SRI: variants seen among roughly 807,000 people sequenced by gnomAD.
SRI encodes the protein sorcin.
Under a neutral mutation model 33.3 loss-of-function variants are expected in SRI, and 30 were observed. The observed-to-expected ratio is 0.90, with a 90% CI of 0.67 to 1.22. The LOEUF is 1.22. SRI is among the 50% of genes most tolerant of loss of function. The probability of loss-of-function intolerance (pLI) is 0.00; values close to 1 mark genes in which losing one functional copy is unlikely to be tolerated. For synonymous variants in SRI, 75 were observed against 89.9 expected (o/e 0.83, Z 0.94); for missense variants, 243 against 250.8 (o/e 0.97, Z 0.21).
intron 7 of SRI, chr7:88,208,044 GA>G (rs1377698754): frequency 6.6e-6 from 1 of 152,602 alleles, no homozygotes; most frequent in African/African-American, 2.4e-5. Flanking sequence ...CCTCAATGAA[GA>G]ACATAGGTAT....
At chr7:88,221,621 C>T (rs539051741), upstream of SRI, among the ~76,000 whole-genome samples, 1 of 152,186 alleles carries the variant, frequency 6.6e-6, no homozygotes, top group South Asian at 2.1e-4. Flanking sequence ...CGTGGATAAA[C>T]GGCTATACGA....
rs376925538 is a variant in SRI, at chr7:88,212,193, C to G, written c.206-1268G>C. Among the ~76,000 whole-genome samples the G allele has an allele frequency of 2.7e-4, 41 of 152,304 alleles. No individual in the cohort carries two copies. In the East Asian group the frequency reaches 4.4e-3, roughly 16 times the overall value. ...CTGTAATGTCTCCCAACAGTGCAAA[C>G]TATAGGTTTTACACATTTAATAGAT... On this transcript the variant is annotated intron_variant, in intron 3 of 7. Transcript: ENST00000265729.
At chr7:88,211,856 T>C (rs1851586388) in intron 3 of SRI, among the ~76,000 whole-genome samples, 1 of 152,224 alleles carries the variant, frequency 6.6e-6, no homozygotes, top group Admixed American at 6.5e-5. Flanking sequence ...TTAGGAGTAT[T>C]ATGAGGGCAT....
chr7:88,217,449 G>T (rs569534199), intron 2 of SRI, among the ~76,000 whole-genome samples: 1 of 152,266 alleles, frequency 6.6e-6, no homozygotes, highest in East Asian at 1.9e-4. Flanking sequence ...CTAGCAAACT[G>T]CTACAGCTAA....
Position 88,211,238 on chromosome 7 carries a change from T to G in SRI, c.206-313A>C, listed in dbSNP as rs190715991. Among the ~76,000 whole-genome samples the G allele has an allele frequency of 2.0e-5, 3 of 152,304 alleles. No homozygotes were observed. In the East Asian group the frequency reaches 5.8e-4, roughly 29 times the overall value. ...GGGGTGCCGAGACAGGCGGATCACC[T>G]GAGGTCAGGAGTTTGAGACCAGCCT... On this transcript the variant is annotated intron_variant, in intron 3 of 7. Transcript: ENST00000265729.
At chr7:88,209,663 G>A (rs573717485) in intron 5 of SRI, among the ~76,000 whole-genome samples, 122 of 152,218 alleles carry the variant, frequency 8.0e-4, no homozygotes, top group African/African-American at 2.8e-3. Flanking sequence ...CGCCCAGGCT[G>A]GAGTGCAGTG....
At chr7:88,209,580 T>C in intron 5 of SRI, 128 bp from the exon 6 acceptor site, 1 of 714,872 alleles carries the variant, frequency 1.4e-6, no homozygotes, top group East Asian at 2.8e-5. Context: ...ACACAATTTC[T>C]AAGAAAACAG....
In SRI at chr7:88,207,351, A is replaced by T. The variant is rs77479906; in HGVS notation, c.571-847T>A. 4.2e-3 allele frequency among the ~76,000 whole-genome samples: 644 copies of T among 152,356 alleles called. 5 individuals are homozygous for T. Among genetic ancestry groups the T allele is most frequent in the Non-Finnish European group, 6.9e-3 (468 of 68,040 alleles). On this transcript the variant is annotated intron_variant, in intron 7 of 7. Coordinates refer to ENST00000265729, the MANE Select transcript of SRI (RefSeq NM_003130.4). ...CGCATGTTAAAGAGAACACACCCTTAAGCAGGTAAAATAAGCATATTCACA... is the reference window on the plus strand; with the variant it reads ...CGCATGTTAAAGAGAACACACCCTTTAGCAGGTAAAATAAGCATATTCACA...
At chr7:88,207,503 G>A (rs1716138338) in intron 7 of SRI, among the ~76,000 whole-genome samples, 1 of 141,696 alleles carries the variant, frequency 7.1e-6, no homozygotes, top group South Asian at 2.1e-4. Flanking sequence ...AATTCTACAA[G>A]TTTTTTTGTT....
At chr7:88,216,995 G>T in intron 3 of SRI, 127 bp downstream of exon 3, 1 of 872,752 alleles carries the variant, frequency 1.1e-6, no homozygotes, top group African/African-American at 1.7e-5. Flanking sequence ...CTGTATTTTA[G>T]CTTTCGGAAT....
chr7:88,219,946 G>A, intron 1 of SRI, 30 bp downstream of exon 1: 1 of 1,538,336 alleles, frequency 6.5e-7, no homozygotes, highest in Non-Finnish European at 8.7e-7. Context: ...GGAGCCGCCT[G>A]GGCCGCGATC....
At chr7:88,221,183 C>A (rs1188472188), upstream of SRI, among the ~76,000 whole-genome samples, 6 of 152,170 alleles carry the variant, frequency 3.9e-5, no homozygotes, top group Non-Finnish European at 1.5e-5. Context: ...TGGTACTGTG[C>A]TTTTTCGCTG....
At chr7:88,218,248 A>G (rs551155299) in intron 2 of SRI, among the ~76,000 whole-genome samples, 45 of 152,266 alleles carry the variant, frequency 3.0e-4, no homozygotes, top group African/African-American at 1.0e-3. Context: ...CTGTCATACA[A>G]CTCAGAATGC....
intron 3 of SRI, among the ~76,000 whole-genome samples, chr7:88,215,594 G>T (rs1851687902): frequency 6.6e-6 from 1 of 152,186 alleles, no homozygotes; most frequent in South Asian, 2.1e-4. Flanking sequence ...TAAATAACAG[G>T]AACTTGAAAG....
At chr7:88,219,146 C>T (rs533332866) in intron 1 of SRI, 132 of 594,112 alleles carry the variant, frequency 2.2e-4, no homozygotes, top group African/African-American at 2.0e-3. Flanking sequence ...CGACTTAGAC[C>T]ATAAAGAGTT....
chr7:88,209,379 G>T lies in SRI; in HGVS notation c.471C>A (p.Asp157Glu). 6.2e-7 allele frequency: 1 copy of T among 1,614,000 alleles called. No homozygotes were observed. Among genetic ancestry groups the T allele is most frequent in the Non-Finnish European group, 8.5e-7 (1 of 1,179,918 alleles). ...RYSTNGKITF[D>E]DYIACCVKLR... The stretch of plus-strand genomic sequence containing the variant: ...GTTTGACGCAGCAGGCGATGTAGTC[G>T]TCGAAGGTGATCTTTCCATTGGTGC... Residue 157 changes from aspartate to glutamate, a missense_variant, in exon 6 of 8, where the codon GAC becomes GAA. Coordinates refer to ENST00000265729, the MANE Select transcript of SRI (RefSeq NM_003130.4).
At chr7:88,217,774 C>CA (rs746648640) in intron 2 of SRI, among the ~76,000 whole-genome samples, 39 of 152,158 alleles carry the variant, frequency 2.6e-4, no homozygotes, top group Admixed American at 7.2e-4. Context: ...ATTTGAAAGA[C>CA]AATGGGTATG....
In SRI at chr7:88,210,937, A is replaced by T; in HGVS notation, c.206-12T>A. ...CTCCAGGTTAAAAGCTGTTAAATCA[A>T]GAAAAGTACATACATATTAACACAA... On this transcript the variant is annotated splice_polypyrimidine_tract_variant and intron_variant, in intron 3 of 7. Transcript: ENST00000265729. 4.3e-6 allele frequency: 7 copies of T among 1,612,102 alleles called. No homozygotes were observed. The highest frequency in any genetic ancestry group is 5.9e-6 in the Non-Finnish European group (7 of 1,178,444).
upstream of SRI, among the ~76,000 whole-genome samples, chr7:88,224,724 G>C (rs1851960442): frequency 6.6e-6 from 1 of 152,060 alleles, no homozygotes; most frequent in Non-Finnish European, 1.5e-5. Context: ...TTTTTTCAAG[G>C]GATAGAAAAC....
Sources: gnomAD v4.1 joint callset for allele counts (sites outside exome capture counted in the v4.1 genomes callset) on GRCh38, gnomAD v4.1.1 for gene constraint, MANE v1.5 for transcripts, NCBI Gene and HGNC (gene_info 2026-07-23, HGNC 2026-07-21) for gene names.